Variants in FGFR3 observed in about 807,000 individuals in gnomAD.
FGFR3 encodes FGFR-3.
In FGFR3, 25 loss-of-function variants were observed where a neutral mutation model predicts 82.9. The observed-to-expected ratio is 0.30, with a 90% confidence interval of 0.22 to 0.42. The LOEUF is 0.42. FGFR3 is among the 10% of genes least tolerant of loss of function. FGFR3 has a pLI of 1.00. For synonymous variants in FGFR3, 620 were observed against 516.0 expected (o/e 1.20, Z -2.73); for missense variants, 1,026 against 1,161.0 (o/e 0.88, Z 1.69).
intron 4 of FGFR3, 52 bp downstream of exon 4, chr4:1,799,864 C>G (rs745606758): frequency 1.3e-6 from 2 of 1,592,412 alleles, no homozygotes; most frequent in African/African-American, 2.7e-5. Flanking sequence ...CCGCTGCCAC[C>G]GCCAAGCCCT....
At chr4:1,794,226 G>A (rs1462513628) in intron 2 of FGFR3, among the ~76,000 whole-genome samples, 183 bp downstream of exon 2, 1 of 152,342 alleles carries the variant, frequency 6.6e-6, no homozygotes, top group Non-Finnish European at 1.5e-5. Flanking sequence ...CTTGTGGTGC[G>A]CCCGGAGCCG....
At chr4:1,796,840 C>T (rs932818252) in intron 2 of FGFR3, among the ~76,000 whole-genome samples, 3 of 152,210 alleles carry the variant, frequency 2.0e-5, no homozygotes, top group African/African-American at 7.2e-5. Flanking sequence ...GGTGCCCTCC[C>T]TGAGCTCCTG....
intron 7 of FGFR3, among the ~76,000 whole-genome samples, chr4:1,802,313 C>T (rs528224742): frequency 6.6e-6 from 1 of 152,314 alleles, no homozygotes; most frequent in East Asian, 1.9e-4. Flanking sequence ...GCTTGGGCAG[C>T]AGTGGTGCCC....
intron 17 of FGFR3, 68 bp from the exon 18 acceptor site, chr4:1,807,037 GGGGCACAGCCT>G (rs1471025175): frequency 1.2e-4 from 181 of 1,551,326 alleles, no homozygotes; most frequent in Non-Finnish European, 1.1e-4. Flanking sequence ...CGGGCCTTCT[GGGGCACAGCCT>G]GGGCACAGAG....
At chr4:1,804,226 C>T in intron 8 of FGFR3, 104 bp from the exon 9 acceptor site, 2 of 1,330,832 alleles carry the variant, frequency 1.5e-6, no homozygotes, top group Non-Finnish European at 2.0e-6. Context: ...GGTTCTGAGC[C>T]CCCTTCCGCT....
In FGFR3 at chr4:1,804,381, T is replaced by G. The variant is rs767787097; in HGVS notation, c.1127T>G (p.Ile376Ser). The change falls in exon 9 of 18, where the codon ATC becomes AGC. Residue 376 changes from isoleucine to serine, a missense_variant. Physicochemically the swap from Ile to Ser is moderately radical, Grantham distance 142. Coordinates refer to ENST00000440486, the MANE Select transcript of FGFR3 (RefSeq NM_000142.5). ...GAGGCGGGCAGTGTGTATGCAGGCA[T>G]CCTCAGCTACGGGGTGGGCTTCTTC... is the stretch of plus-strand genomic sequence containing the variant. ...ADEAGSVYAG[I>S]LSYGVGFFLF... The G allele has an allele frequency of 7.4e-6, 12 of 1,612,886 alleles. No individual in the cohort carries two copies. Among genetic ancestry groups the G allele is most frequent in the Non-Finnish European group, 1.0e-5 (12 of 1,179,660 alleles).
intron 2 of FGFR3, among the ~76,000 whole-genome samples, chr4:1,797,771 G>A (rs150215748): frequency 2.3e-4 from 35 of 152,298 alleles, no homozygotes; most frequent in Middle Eastern, 6.8e-3. Context: ...CCGGTGGGGC[G>A]AGGGCTCCTT....
chr4:1,799,493 G>T lies in FGFR3; in HGVS notation c.349G>T (p.Val117Leu). 1.3e-6 allele frequency: 2 copies of T among 1,567,608 alleles called. No homozygotes were observed. Among genetic ancestry groups the T allele is most frequent in the Non-Finnish European group, 8.6e-7 (1 of 1,157,114 alleles). Residue 117 changes from valine to leucine, a missense_variant, in exon 3 of 18, where the codon GTA becomes TTA. Around this residue, in one of 9 missense-constraint regions of FGFR3, gnomAD observed 226 missense variants for 222.0 expected, o/e 1.02. Coordinates refer to ENST00000440486, the MANE Select transcript of FGFR3 (RefSeq NM_000142.5). ...YSCRQRLTQR[V>L]LCHFSVRVTD... is the part of the protein sequence containing the mutation. The stretch of plus-strand genomic sequence containing the variant: ...CTGCCGGCAGCGGCTCACGCAGCGC[G>T]TACTGTGCCACTTCAGTGTGCGGGT...
intron 2 of FGFR3, among the ~76,000 whole-genome samples, chr4:1,796,468 A>G (rs759300637): frequency 6.6e-6 from 1 of 152,066 alleles, no homozygotes; most frequent in Non-Finnish European, 1.5e-5. Flanking sequence ...GCTGCAGAGA[A>G]CTTCATGTGC....
intron 10 of FGFR3, 152 bp downstream of exon 10, chr4:1,805,121 G>C (rs573857049): frequency 1.5e-6 from 2 of 1,320,752 alleles, no homozygotes; most frequent in Non-Finnish European, 2.0e-6. Flanking sequence ...CTCCTGGGAC[G>C]GGTGTATGGC....
At chr4:1,805,018 G>A in intron 10 of FGFR3, 49 bp downstream of exon 10, 1 of 1,509,592 alleles carries the variant, frequency 6.6e-7, no homozygotes, top group Non-Finnish European at 8.9e-7. Context: ...TTGGTGGTGG[G>A]GGTGAAACAG....
At position 1,793,869 on chromosome 4, in the gene FGFR3, G is replaced by C; in HGVS notation, c.-66G>C. The stretch of plus-strand genomic sequence containing the variant: ...GCGCCCGCCTCCCGCCGGTGCCCGC[G>C]CCGGGCCGTGGGGGGCAGCATGCCC... On this transcript the variant is annotated 5_prime_UTR_variant, in exon 2 of 18. Coordinates refer to ENST00000440486, the MANE Select transcript of FGFR3 (RefSeq NM_000142.5). 1.9e-6 allele frequency: 1 copy of C among 528,682 alleles called. No individual in the cohort carries two copies. Among genetic ancestry groups the C allele is most frequent in the Non-Finnish European group, 2.5e-6 (1 of 399,918 alleles). The allele number at this position is 528,682 out of a possible 1,614,324, so 32.7% of individuals were successfully genotyped here.
chr4:1,807,186 C>T lies in FGFR3; in HGVS notation c.2345C>T (p.Ser782Phe), dbSNP rs1369586843. The T allele has an allele frequency of 4.4e-6, 7 of 1,606,774 alleles. No homozygotes were observed. In the Admixed American group the frequency reaches 5.0e-5, roughly 12 times the overall value. Reference sequence around the variant, plus strand: ...GGCCAGGACACCCCCAGCTCCAGCTCCTCAGGGGACGACTCCGTGTTTGCC... The same window carrying T: ...GGCCAGGACACCCCCAGCTCCAGCTTCTCAGGGGACGACTCCGTGTTTGCC... Reference protein sequence around the residue: ...PGGQDTPSSSSSGDDSVFAHD... With the variant: ...PGGQDTPSSSFSGDDSVFAHD... Residue 782 changes from serine (S) to phenylalanine (F), a missense_variant, in exon 18 of 18, where the codon TCC (serine) becomes TTC (phenylalanine). Coordinates refer to ENST00000440486, the MANE Select transcript of FGFR3 (RefSeq NM_000142.5).
chr4:1,804,095 C>T (rs965346786), intron 8 of FGFR3, among the ~76,000 whole-genome samples: 17 of 152,206 alleles, frequency 1.1e-4, no homozygotes, highest in Admixed American at 3.9e-4. Flanking sequence ...TGGTGTCTCC[C>T]GGGCGCCTGG....
intron 10 of FGFR3, 141 bp from the exon 11 acceptor site, chr4:1,805,214 C>A: frequency 6.8e-7 from 1 of 1,474,236 alleles, no homozygotes; most frequent in Non-Finnish European, 9.2e-7. Flanking sequence ...TCCTTACGAG[C>A]AGGCTGTAGG....
At chr4:1,802,754 A>G (rs550452189) in intron 7 of FGFR3, among the ~76,000 whole-genome samples, 8 of 152,104 alleles carry the variant, frequency 5.3e-5, no homozygotes, top group African/African-American at 1.9e-4. Context: ...ATCCTGTGAA[A>G]CCACAGCCAC....
At position 1,805,008 on chromosome 4, in the gene FGFR3, TTGG is replaced by T. The variant is rs1485164658; in HGVS notation, c.1412+46_1412+48del. Reference sequence around the variant, plus strand: ...AGGGCCAGCGTTGGCTGTAGGGGGCTTGGTGGTGGGGGTGAAACAGCCACCAGT... The same window carrying T: ...AGGGCCAGCGTTGGCTGTAGGGGGCTTGGTGGGGGTGAAACAGCCACCAGT... On this transcript the variant is annotated intron_variant, in intron 10 of 17. Coordinates refer to ENST00000440486, the MANE Select transcript of FGFR3 (RefSeq NM_000142.5). 7 of 1,522,126 alleles carry T rather than the reference TTGG, an allele frequency of 4.6e-6. No homozygotes were observed. In the Admixed American group the frequency reaches 8.0e-5, roughly 17 times the overall value. The allele number at this position is 1,522,126 out of a possible 1,614,324, so 94.3% of individuals were successfully genotyped here.
Position 1,794,009 on chromosome 4 carries a change from G to C in FGFR3, c.75G>C (p.Leu25Phe). The change falls in exon 2 of 18, where the codon TTG becomes TTC. Residue 25 changes from leucine (L) to phenylalanine (F), a missense_variant. Leu to Phe is a conservative substitution (Grantham distance 22, BLOSUM62 0). Coordinates refer to ENST00000440486, the MANE Select transcript of FGFR3 (RefSeq NM_000142.5). ...AIVAGASSES[L>F]GTEQRVVGRA... ...TGGCCGGCGCCTCCTCGGAGTCCTT[G>C]GGGACGGAGCAGCGCGTCGTGGGGC... The C allele has an allele frequency of 7.1e-7, 1 of 1,415,262 alleles. No homozygotes were observed. The highest frequency in any genetic ancestry group is 9.3e-7 in the Non-Finnish European group (1 of 1,073,000). The allele number at this position is 1,415,262 out of a possible 1,614,324, so 87.7% of individuals were successfully genotyped here.
Position 1,803,937 on chromosome 4 carries a change from G to GGAAT in FGFR3, c.1075+101_1075+102insGAAT, listed in dbSNP as rs1577283133. ...ACGGACGGGAATCCTGTGACTTACG[G>GGAAT]CCGTCCCGCTTCTTGAGCCCTCACT... On this transcript the variant is annotated intron_variant, in intron 8 of 17. Coordinates refer to ENST00000440486, the MANE Select transcript of FGFR3 (RefSeq NM_000142.5). 15 of 1,311,022 alleles carry GGAAT rather than the reference G, an allele frequency of 1.1e-5. No individual in the cohort carries two copies. The East Asian group carries it at 3.5e-4, about 30-fold the overall frequency. The allele number at this position is 1,311,022 out of a possible 1,614,324, so 81.2% of individuals were successfully genotyped here. A position where few individuals can be genotyped will look rare whatever the true frequency, so the allele number is the denominator to read the frequency against.
Sources: allele counts gnomAD v4.1 joint callset (sites outside exome capture counted in the v4.1 genomes callset), GRCh38; gene constraint gnomAD v4.1.1; regional missense constraint gnomAD v4.1.1; transcripts MANE v1.5; gene names NCBI Gene and HGNC (gene_info 2026-07-23, HGNC 2026-07-21).